Variants in CAPN7 observed in about 807,000 individuals in gnomAD.
CAPN7 encodes calpain 7.
In CAPN7, 72 loss-of-function variants were observed where a neutral mutation model predicts 115.2. The ratio of observed to expected loss-of-function variants is 0.63; its 90% confidence interval spans 0.52 to 0.76. The LOEUF is 0.76. Ranked by LOEUF, CAPN7 falls within the 30% of genes least tolerant of loss-of-function variation. The probability of loss-of-function intolerance (pLI) is 0.00; values close to 1 mark genes in which losing one functional copy is unlikely to be tolerated. For missense variants in CAPN7, 905 were observed against 971.5 expected (o/e 0.93, Z 0.91); for synonymous variants, 344 against 322.3 (o/e 1.07, Z -0.72).
At chr3:15,221,902 C>T (rs757763908) in intron 5 of CAPN7, among the ~76,000 whole-genome samples, 18 of 151,444 alleles carry the variant, frequency 1.2e-4, no homozygotes, top group Admixed American at 3.3e-4. Context: ...GTTGCAAAGC[C>T]GAGATCACGC....
At chr3:15,227,789 G>T in intron 6 of CAPN7, 50 bp from the exon 7 acceptor site, 1 of 1,201,818 alleles carries the variant, frequency 8.3e-7, no homozygotes, top group Non-Finnish European at 1.1e-6. Context: ...TTGGCTTTGA[G>T]TCATCTTTTA....
chr3:15,235,055 G>A lies in CAPN7; in HGVS notation c.1317G>A (p.Ala439=), dbSNP rs35189473. 31,334 of 1,612,966 alleles carry A rather than the reference G, an allele frequency of 0.019. 436 individuals carry two copies. The highest frequency in any genetic ancestry group is 0.048 in the South Asian group (4,379 of 90,992). The change falls in exon 12 of 21, where the codon GCG becomes GCA. Residue 439 remains alanine, a synonymous_variant. Transcript: ENST00000253693. ...ACAAAGGAGATGTCCTCATCACTGC[G>A]TCAACTGGAATGATGACAGAAGCTG... ...RFHKGDVLIT[A]STGMMTEAEG... is the part of the protein sequence containing the mutation.
In CAPN7 at chr3:15,235,092, TG is replaced by T; in HGVS notation, c.1358del (p.Gly453ValfsTer24). The T allele has an allele frequency of 1.2e-6, 2 of 1,613,610 alleles. No individual in the cohort carries two copies. The highest frequency in any genetic ancestry group is 1.7e-6 in the Non-Finnish European group (2 of 1,179,642). Reference protein sequence around the residue: ...GMMTEAEGEKWGLVPTHAYAV... With the variant: ...GMMTEAEGEKXGLVPTHAYAV... ...GATGACAGAAGCTGAAGGAGAGAAG[TG>T]GGGTCTGGTTCCCACACACGCATAT... On this transcript the variant is annotated frameshift_variant, in exon 12 of 21. Transcript: ENST00000253693. LOFTEE classifies it high-confidence loss of function.
intron 1 of CAPN7, among the ~76,000 whole-genome samples, chr3:15,210,209 A>G (rs577674627): frequency 1.3e-5 from 2 of 152,014 alleles, no homozygotes; most frequent in Admixed American, 1.3e-4. Context: ...TATGTTGCCC[A>G]GTTAGTCTTG....
chr3:15,219,372 T>C (rs796955928), intron 4 of CAPN7, among the ~76,000 whole-genome samples: 8 of 152,360 alleles, frequency 5.3e-5, no homozygotes, highest in African/African-American at 1.9e-4. Context: ...ACCTGATAGA[T>C]AACTGTACCA....
At chr3:15,236,221 A>G (rs552825384) in intron 12 of CAPN7, among the ~76,000 whole-genome samples, 15 of 152,288 alleles carry the variant, frequency 9.8e-5, no homozygotes, top group African/African-American at 2.9e-4. Context: ...TGGGCATAAG[A>G]TACATGCCAG....
intron 2 of CAPN7, among the ~76,000 whole-genome samples, chr3:15,213,329 T>C (rs2045057807): frequency 6.6e-6 from 1 of 152,248 alleles, no homozygotes; most frequent in Non-Finnish European, 1.5e-5. Context: ...TCAATAACTA[T>C]GTATTGAATA....
At chr3:15,208,509 C>T (rs930331884) in intron 1 of CAPN7, among the ~76,000 whole-genome samples, 3 of 141,302 alleles carry the variant, frequency 2.1e-5, no homozygotes, top group Non-Finnish European at 3.0e-5. Flanking sequence ...GTTGCCCAGG[C>T]TGGTTTCGAA....
At chr3:15,221,103 T>G (rs953934229) in intron 5 of CAPN7, 122 bp downstream of exon 5, 1 of 687,918 alleles carries the variant, frequency 1.5e-6, no homozygotes, top group Admixed American at 2.7e-5. Context: ...GCTGTTATTA[T>G]GTAATTATAT....
chr3:15,218,380 A>G (rs891991587), intron 3 of CAPN7, 93 bp from the exon 4 acceptor site: 2 of 780,192 alleles, frequency 2.6e-6, no homozygotes, highest in African/African-American at 1.7e-5. Context: ...AGCAAGTGTA[A>G]TATGCATTGT....
intron 19 of CAPN7, among the ~76,000 whole-genome samples, chr3:15,250,712 TAC>T (rs1316293558): frequency 1.3e-5 from 2 of 152,114 alleles, no homozygotes; most frequent in African/African-American, 4.8e-5. Context: ...ATGGTAAAAA[TAC>T]AGTCTCTCTT....
rs113975216 is a variant in CAPN7 at position 15,213,879 on chromosome 3, ATTT to A, written c.211+1683_211+1685del. Reference sequence around the variant, plus strand: ...GCCAGTGAAATAGAGTTCAAAAAGGATTTTTTTTTTTTTTTTTTGAGGTGGAGT... The same window carrying A: ...GCCAGTGAAATAGAGTTCAAAAAGGATTTTTTTTTTTTTTTGAGGTGGAGT... On this transcript the variant is annotated intron_variant, in intron 2 of 20. Transcript: ENST00000253693. Among the ~76,000 whole-genome samples, 965 of 137,410 alleles carry A rather than the reference ATTT, an allele frequency of 7.0e-3. 14 individuals carry two copies. Among genetic ancestry groups the A allele is most frequent in the African/African-American group, 0.025 (921 of 36,332 alleles). 90.1% of individuals were successfully genotyped at this position (137,410 alleles called of 152,430 possible).
In CAPN7 at chr3:15,206,409, C is replaced by G. The variant is rs1334743150; in HGVS notation, c.-87C>G. On this transcript the variant is annotated 5_prime_UTR_variant, in exon 1 of 21. Transcript: ENST00000253693. ...CGCTCCTTCCGCGGCGCTCCCGAGT[C>G]CTCGCCGCCGCCGGGCCGCCGCAGT... 1 of 997,596 alleles carries G rather than the reference C, an allele frequency of 1.0e-6. No individual in the cohort carries two copies. The highest frequency in any genetic ancestry group is 1.7e-5 in the African/African-American group (1 of 58,940). 61.8% of individuals were successfully genotyped at this position (997,596 alleles called of 1,614,324 possible). A position where few individuals can be genotyped will look rare whatever the true frequency, so the allele number is the denominator to read the frequency against.
intron 9 of CAPN7, chr3:15,232,214 C>A: frequency 2.9e-6 from 1 of 343,716 alleles, no homozygotes; most frequent in Non-Finnish European, 5.5e-6. Flanking sequence ...GATTTTGGAG[C>A]ATTTCAAATT....
At chr3:15,216,869 C>T (rs1575167222) in intron 2 of CAPN7, among the ~76,000 whole-genome samples, 1 of 152,074 alleles carries the variant, frequency 6.6e-6, no homozygotes, top group Non-Finnish European at 1.5e-5. Flanking sequence ...GTATTTTTTA[C>T]TATTCTTTAT....
chr3:15,234,390 G>C (rs1026628124), intron 11 of CAPN7, among the ~76,000 whole-genome samples: 1 of 152,050 alleles, frequency 6.6e-6, no homozygotes, highest in East Asian at 1.9e-4. Flanking sequence ...AGAAGTTGTC[G>C]TTTTTAGTTA....
chr3:15,246,086 T>G (rs1695643800), intron 17 of CAPN7: 2 of 155,624 alleles, frequency 1.3e-5, no homozygotes, highest in Non-Finnish European at 2.8e-5. Flanking sequence ...CTACAGGTGC[T>G]GCCACCATGC....
At chr3:15,244,100 G>GC (rs914434557) in intron 16 of CAPN7, among the ~76,000 whole-genome samples, 3 of 152,158 alleles carry the variant, frequency 2.0e-5, no homozygotes, top group African/African-American at 7.2e-5. Flanking sequence ...GACAGTTCTT[G>GC]CAAGAAAGCT....
chr3:15,207,778 A>G (rs751832499), intron 1 of CAPN7, among the ~76,000 whole-genome samples: 4 of 152,184 alleles, frequency 2.6e-5, no homozygotes, highest in Non-Finnish European at 5.9e-5. Flanking sequence ...AATAACAGGA[A>G]TGAAACTGTC....
Sources: gnomAD v4.1 joint callset for allele counts (sites outside exome capture counted in the v4.1 genomes callset) on GRCh38, gnomAD v4.1.1 for gene constraint, MANE v1.5 for transcripts, NCBI Gene and HGNC (gene_info 2026-07-23, HGNC 2026-07-21) for gene names.